Variants in KANK1 observed in about 807,000 individuals in gnomAD.
The protein encoded by KANK1 is KN motif and ankyrin repeat domains 1, also known as KN motif and ankyrin repeat domain-containing protein 1.
Under a neutral mutation model 106.2 loss-of-function variants are expected in KANK1, and 109 were observed. The ratio of observed to expected loss-of-function variants is 1.03; its 90% CI spans 0.88 to 1.20. The LOEUF is 1.20. KANK1 is among the 50% of genes most tolerant of loss of function. The pLI is 0.00. For missense variants in KANK1, 2,399 were observed against 1,710.7 expected (o/e 1.40, Z -7.10); for synonymous variants, 873 against 652.2 (o/e 1.34, Z -5.16).
chr9:527,593 A>T (rs2059851150), intron 1 of KANK1, among the ~76,000 whole-genome samples: 1 of 151,164 alleles, frequency 6.6e-6, no homozygotes, highest in South Asian at 2.1e-4. Context: ...AAGCCACTAC[A>T]CTCGGCTGCT....
At chr9:731,806 C>T (rs1468884897) in intron 5 of KANK1, 1 of 154,420 alleles carries the variant, frequency 6.5e-6, no homozygotes, top group African/African-American at 2.4e-5. Context: ...AGTTAAGCCC[C>T]TTTGTTGTCC....
intron 2 of KANK1, among the ~76,000 whole-genome samples, chr9:680,534 T>G (rs1274491164): frequency 6.6e-6 from 1 of 152,154 alleles, no homozygotes; most frequent in African/African-American, 2.4e-5. Context: ...ACTACTTAGC[T>G]TAAGAAATAA....
chr9:594,305 A>G (rs1825700458), intron 1 of KANK1, among the ~76,000 whole-genome samples: 1 of 151,928 alleles, frequency 6.6e-6, no homozygotes, highest in Non-Finnish European at 1.5e-5. Context: ...AGGTGGAGAA[A>G]GGCTAACTAG....
chr9:510,937 C>A (rs904874056), intron 1 of KANK1, among the ~76,000 whole-genome samples: 21 of 152,194 alleles, frequency 1.4e-4, no homozygotes, highest in African/African-American at 3.9e-4. Context: ...AAGCCAATAT[C>A]ACTTAACTTT....
chr9:651,696 C>T (rs1010916421), intron 1 of KANK1, among the ~76,000 whole-genome samples: 1 of 152,132 alleles, frequency 6.6e-6, no homozygotes, highest in African/African-American at 2.4e-5. Context: ...ACATCAGGCT[C>T]CATATAATGT....
At chr9:668,348 A>ATCTCTCTC (rs35261485) in intron 1 of KANK1, among the ~76,000 whole-genome samples, 2 of 151,386 alleles carry the variant, frequency 1.3e-5, no homozygotes, top group African/African-American at 4.9e-5. Context: ...TTGTATTATA[A>ATCTCTCTC]TCTCTCTCTC....
At chr9:724,631 G>T (rs527391969) in intron 3 of KANK1, among the ~76,000 whole-genome samples, 1 of 152,030 alleles carries the variant, frequency 6.6e-6, no homozygotes, top group African/African-American at 2.4e-5. Flanking sequence ...GTAAAATCCC[G>T]TCTCTACTAA....
At chr9:627,924 C>T (rs1834738467) in intron 1 of KANK1, among the ~76,000 whole-genome samples, 1 of 151,560 alleles carries the variant, frequency 6.6e-6, no homozygotes, top group South Asian at 2.1e-4. Flanking sequence ...GATTTATATA[C>T]AGCCCCCGCT....
At chr9:741,032 C>T in intron 9 of KANK1, 98 bp downstream of exon 9, 1 of 1,366,166 alleles carries the variant, frequency 7.3e-7, no homozygotes, top group Non-Finnish European at 1.0e-6. Flanking sequence ...TGCCACGCTT[C>T]CACCACAGTG....
At chr9:490,661 A>T (rs2058363231) in intron 3 of KANK1, among the ~76,000 whole-genome samples, 1 of 152,236 alleles carries the variant, frequency 6.6e-6, no homozygotes, top group Non-Finnish European at 1.5e-5. Context: ...ATAAATTGCC[A>T]AAGTTTCAAC....
intron 2 of KANK1, chr9:707,090 G>A: frequency 4.1e-6 from 4 of 985,474 alleles, no homozygotes; most frequent in Non-Finnish European, 4.8e-6. Flanking sequence ...TGAAAGCTCA[G>A]CCTATGGCAT....
chr9:568,492 C>G (rs1161761568), intron 1 of KANK1, among the ~76,000 whole-genome samples: 4 of 151,986 alleles, frequency 2.6e-5, no homozygotes, highest in Admixed American at 6.5e-5. Context: ...GCTCTGTGAC[C>G]CAGGCTGGAG....
chr9:530,217 T>A (rs922965968), intron 1 of KANK1, among the ~76,000 whole-genome samples: 1 of 152,202 alleles, frequency 6.6e-6, no homozygotes, highest in African/African-American at 2.4e-5. Context: ...TATATTACAT[T>A]TTTCCATGTT....
chr9:568,328 C>T (rs1818314317), intron 1 of KANK1, among the ~76,000 whole-genome samples: 1 of 152,126 alleles, frequency 6.6e-6, no homozygotes, highest in Non-Finnish European at 1.5e-5. Flanking sequence ...ATAAAGTAAG[C>T]ATTTCCTTAA....
chr9:734,571 CAGG>C, intron 6 of KANK1, 174 bp from the exon 7 acceptor site: 2 of 492,874 alleles, frequency 4.1e-6, no homozygotes, highest in Non-Finnish European at 7.5e-6. Flanking sequence ...GAGGCTGAGG[CAGG>C]AGGATTGCTT....
intron 2 of KANK1, among the ~76,000 whole-genome samples, chr9:695,160 A>G (rs527443335): frequency 2.0e-5 from 3 of 151,952 alleles, no homozygotes; most frequent in South Asian, 2.1e-4. Flanking sequence ...CCTTCCCCCA[A>G]CCTAGGCAGG....
chr9:739,094 G>C (rs921321859), intron 8 of KANK1, among the ~76,000 whole-genome samples: 23 of 152,144 alleles, frequency 1.5e-4, no homozygotes, highest in African/African-American at 5.6e-4. Flanking sequence ...TAGAATAGTA[G>C]AAACTTGTTA....
rs1835570991 is a variant in KANK1 at position 630,947 on chromosome 9, T to C, written c.-83-45943T>C. Among the ~76,000 whole-genome samples, 4 of 141,590 alleles carry C rather than the reference T, an allele frequency of 2.8e-5. No homozygotes were observed. In the South Asian group the frequency reaches 8.8e-4, roughly 31 times the overall value. 92.9% of individuals were successfully genotyped at this position (141,590 alleles called of 152,430 possible). ...CCTAGCCTGGGTGACAGAGCAAGAC[T>C]CTGTCTCAAAAAACAAAACAAAACA... On this transcript the variant is annotated intron_variant, in intron 1 of 11. Coordinates refer to ENST00000382297, the MANE Select transcript of KANK1 (RefSeq NM_015158.5).
chr9:598,252 T>A (rs1826716679), intron 1 of KANK1, among the ~76,000 whole-genome samples: 1 of 151,840 alleles, frequency 6.6e-6, no homozygotes, highest in South Asian at 2.1e-4. Context: ...TACACCGTTT[T>A]TGATTACTGT....
Sources: gnomAD v4.1 joint callset for allele counts (sites outside exome capture counted in the v4.1 genomes callset) on GRCh38, gnomAD v4.1.1 for gene constraint, MANE v1.5 for transcripts, NCBI Gene and HGNC (gene_info 2026-07-23, HGNC 2026-07-21) for gene names.